PTPRU: variants seen among roughly 807,000 people sequenced by gnomAD.
The protein encoded by PTPRU is receptor-type tyrosine-protein phosphatase U.
A neutral mutation model predicts 166.3 loss-of-function variants in PTPRU; 69 were observed. The observed-to-expected ratio is 0.41, with a 90% CI of 0.34 to 0.51. The LOEUF (loss-of-function observed/expected upper bound fraction) is 0.51, where lower values mean the gene tolerates loss of function less well. Ranked by LOEUF, PTPRU falls within the 20% of genes least tolerant of loss-of-function variation. PTPRU has a pLI of 0.09. For synonymous variants in PTPRU, 793 were observed against 814.0 expected, an observed-to-expected ratio of 0.97 and a Z score of 0.44; for missense variants, 1,657 against 2,013.7, an observed-to-expected ratio of 0.82 and a Z score of 3.39.
intron 26 of PTPRU, among the ~76,000 whole-genome samples, chr1:29,321,534 C>T (rs1284014370): frequency 1.3e-5 from 2 of 152,232 alleles, no homozygotes; most frequent in East Asian, 3.9e-4. Context: ...TGCCTCATTC[C>T]AGAGCTTCTG....
rs766969618 is a variant in PTPRU, at chr1:29,323,490, C to T, written c.3948C>T (p.Ile1316=). 6.2e-6 allele frequency: 10 copies of T among 1,609,560 alleles called. No homozygotes were observed. The highest frequency in any genetic ancestry group is 8.5e-6 in the Non-Finnish European group (10 of 1,178,124). Residue 1316 remains isoleucine (I), a synonymous_variant, in exon 27 of 30, where the codon ATC becomes ATT. Coordinates refer to ENST00000373779, the MANE Select transcript of PTPRU (RefSeq NM_133178.4). ...LVARVFRVQN[I]SRLQEGHLLV... is the part of the protein sequence containing the mutation. ...CTCGAGTCTTCCGGGTGCAGAACAT[C>T]TCTCGGGTGAGTGGTCTGAGGAGCC...
intron 15 of PTPRU, among the ~76,000 whole-genome samples, chr1:29,299,593 T>C (rs2151961274): frequency 6.6e-6 from 1 of 152,340 alleles, no homozygotes; most frequent in Non-Finnish European, 1.5e-5. Context: ...TTTTTGCTTG[T>C]CCTCAGCCAC....
chr1:29,270,227 AGGCTG>A lies in PTPRU; in HGVS notation c.1145-5217_1145-5213del, dbSNP rs1302736503. Among the ~76,000 whole-genome samples the A allele has an allele frequency of 2.6e-5, 4 of 152,174 alleles. No individual in the cohort carries two copies. The East Asian group carries it at 7.7e-4, about 29-fold the overall frequency. ...ATGACTGTAGGCTGGTAATGACTGT[AGGCTG>A]GGCAATTTGACTCATATTATCTCAT... On this transcript the variant is annotated intron_variant, in intron 7 of 29. Coordinates refer to ENST00000373779, the MANE Select transcript of PTPRU (RefSeq NM_133178.4).
At chr1:29,319,979 C>T (rs1422941866) in intron 25 of PTPRU, among the ~76,000 whole-genome samples, 2 of 152,152 alleles carry the variant, frequency 1.3e-5, no homozygotes, top group Non-Finnish European at 2.9e-5. Flanking sequence ...CTGTCACTGC[C>T]TGGAGAGCCT....
In PTPRU at chr1:29,260,653, C is replaced by T. The variant is rs1451060079; in HGVS notation, c.894C>T (p.Gly298=). 3.3e-6 allele frequency: 5 copies of T among 1,526,316 alleles called. No individual in the cohort carries two copies. The East Asian group carries it at 9.8e-5, about 30-fold the overall frequency. 94.5% of individuals were successfully genotyped at this position (1,526,316 alleles called of 1,614,324 possible). ...PIAPPQLLRA[G]PTYLIIQLNT... is the part of the protein sequence containing the mutation. ...CGCCCCCACAGCTGCTGCGTGCTGG[C>T]CCCACCTACCTCATCATCCAGCTCA... Residue 298 remains glycine (G), a synonymous_variant, in exon 7 of 30, where the codon GGC becomes GGT. Transcript: ENST00000373779. This position sits in a 1 kb window ranked among gnomAD's most constrained non-coding sequence, Gnocchi z 8.3.
At chr1:29,307,132 C>T (rs564512646) in intron 18 of PTPRU, 36 of 1,613,432 alleles carry the variant, frequency 2.2e-5, no homozygotes, top group African/African-American at 4.0e-5. Flanking sequence ...CATTAAGATT[C>T]GGATAAACCG....
chr1:29,315,581 G>T lies in PTPRU; in HGVS notation c.3363+74G>T. ...GTTTCTCGTGAAGGATCCTGGAGCC[G>T]GCAGAGCATGCCCAAAGGGTGTCCT... On this transcript the variant is annotated intron_variant, in intron 23 of 29. Transcript: ENST00000373779. This position sits in a 1 kb window ranked among gnomAD's most constrained non-coding sequence, Gnocchi z 4.5. The T allele has an allele frequency of 1.3e-6, 2 of 1,590,982 alleles. No individual in the cohort carries two copies. Among genetic ancestry groups the T allele is most frequent in the Non-Finnish European group, 1.7e-6 (2 of 1,164,338 alleles).
chr1:29,294,048 T>G (rs926327039), intron 15 of PTPRU, among the ~76,000 whole-genome samples: 1 of 152,236 alleles, frequency 6.6e-6, no homozygotes, highest in Non-Finnish European at 1.5e-5. Context: ...GAGACTGCTG[T>G]GAATATTCTG....
chr1:29,276,009 A>T (rs1685789686), intron 8 of PTPRU, among the ~76,000 whole-genome samples: 1 of 152,160 alleles, frequency 6.6e-6, no homozygotes. Context: ...TCTTTGTGGC[A>T]AGGTTTTTAG....
chr1:29,313,989 G>A (rs183232557), intron 22 of PTPRU, among the ~76,000 whole-genome samples: 186 of 152,250 alleles, frequency 1.2e-3, no homozygotes, highest in African/African-American at 4.1e-3. Context: ...CTTCTAAAGC[G>A]CAGTTAGTTG....
Position 29,311,740 on chromosome 1 carries a change from G to A in PTPRU, c.3053G>A (p.Arg1018His), listed in dbSNP as rs759323710. The A allele has an allele frequency of 1.2e-5, 20 of 1,614,020 alleles. No individual in the cohort carries two copies. Among genetic ancestry groups the A allele is most frequent in the African/African-American group, 1.3e-5 (1 of 74,928 alleles). Residue 1018 changes from arginine to histidine, a missense_variant, in exon 21 of 30, where the codon CGC becomes CAC. Arg to His is a conservative substitution (Grantham distance 29). Around this residue, in one of 3 missense-constraint regions of PTPRU, gnomAD observed 1,190 missense variants for 1,477.4 expected, o/e 0.81. Coordinates refer to ENST00000373779, the MANE Select transcript of PTPRU (RefSeq NM_133178.4). The surrounding 1 kb of genome is among the most constrained non-coding windows in gnomAD (Gnocchi z 4.1). ...GAGACCCTGGCTGAGTATGTCGTGC[G>A]CACTTTTGCCCTGGAGCGGGTGAGT... ...KTETLAEYVV[R>H]TFALERRGYS... is the part of the protein sequence containing the mutation.
chr1:29,251,197 GA>G (rs1462556666), intron 1 of PTPRU, among the ~76,000 whole-genome samples: 1 of 152,044 alleles, frequency 6.6e-6, no homozygotes, highest in Non-Finnish European at 1.5e-5. Flanking sequence ...AGGTTGCAGT[GA>G]GCGAGATCAT....
chr1:29,301,212 A>G (rs1687117313), intron 15 of PTPRU, among the ~76,000 whole-genome samples: 1 of 152,196 alleles, frequency 6.6e-6, no homozygotes, highest in Non-Finnish European at 1.5e-5. Context: ...GCGTACAATC[A>G]TGCACTGCAT....
At position 29,320,711 on chromosome 1, in the gene PTPRU, C is replaced by T. The variant is rs79013663; in HGVS notation, c.3714C>T (p.Ile1238=). 2.2e-3 allele frequency: 3,513 copies of T among 1,602,424 alleles called. 53 individuals are homozygous for T. In the African/African-American group the frequency reaches 0.036, roughly 17 times the overall value. The change falls in exon 26 of 30, where the codon ATC becomes ATT. Residue 1238 remains isoleucine, a synonymous_variant. Coordinates refer to ENST00000373779, the MANE Select transcript of PTPRU (RefSeq NM_133178.4). The surrounding 1 kb of genome is among the most constrained non-coding windows in gnomAD (Gnocchi z 5.2). ...TDSYTRSAAF[I]VTLHPLQSTT... Reference sequence around the variant, plus strand: ...GCTACACACGGAGTGCGGCCTTCATCGTGACCCTGCACCCGCTGCAGAGCA... The same window carrying T: ...GCTACACACGGAGTGCGGCCTTCATTGTGACCCTGCACCCGCTGCAGAGCA...
chr1:29,302,145 ATGTGTATGTGTG>A (rs1687162787), intron 15 of PTPRU, among the ~76,000 whole-genome samples: 1 of 138,474 alleles, frequency 7.2e-6, no homozygotes, highest in African/African-American at 3.0e-5. Context: ...GCCTAGGCTA[ATGTGTATGTGTG>A]TGTGTGTGTG....
rs1314384874 is a variant in PTPRU, at chr1:29,238,549, C to T, written c.73+1832C>T. 6.6e-6 allele frequency among the ~76,000 whole-genome samples: 1 copy of T among 152,214 alleles called. No homozygotes were observed. The highest frequency in any genetic ancestry group is 1.5e-5 in the Non-Finnish European group (1 of 68,046). On this transcript the variant is annotated intron_variant, in intron 1 of 29. Transcript: ENST00000373779. The surrounding 1 kb of genome is among the most constrained non-coding windows in gnomAD (Gnocchi z 6.1). ...CTGGCTCCGGTGTCTCGGGCCGGAA[C>T]TCCTGTGGCTCCAGCGTTCGCGCCG...
At chr1:29,290,737 G>A (rs1249362040) in intron 14 of PTPRU, among the ~76,000 whole-genome samples, 1 of 152,268 alleles carries the variant, frequency 6.6e-6, no homozygotes, top group Non-Finnish European at 1.5e-5. Flanking sequence ...TGCTTGCGCA[G>A]TTAGTTTTCA....
At chr1:29,310,039 C>T (rs897731756) in intron 18 of PTPRU, among the ~76,000 whole-genome samples, 2 of 152,162 alleles carry the variant, frequency 1.3e-5, no homozygotes, top group South Asian at 4.1e-4. Flanking sequence ...GGTTTCTCTC[C>T]TCAGCTTGGG....
intron 24 of PTPRU, among the ~76,000 whole-genome samples, chr1:29,316,962 C>A (rs1198026530): frequency 6.6e-6 from 1 of 152,078 alleles, no homozygotes; most frequent in Non-Finnish European, 1.5e-5. Flanking sequence ...CACTGGGTGG[C>A]AGAGACCTCA....
Sources: gnomAD v4.1 joint callset for allele counts (sites outside exome capture counted in the v4.1 genomes callset) on GRCh38, gnomAD v4.1.1 for gene constraint, gnomAD v4.1.1 regional missense constraint, Gnocchi (gnomAD v3.1) non-coding constraint, MANE v1.5 for transcripts, NCBI Gene and HGNC (gene_info 2026-07-23, HGNC 2026-07-21) for gene names.